PPARGC1A: variants seen among roughly 807,000 people sequenced by gnomAD.
The protein encoded by PPARGC1A is peroxisome proliferator-activated receptor gamma coactivator 1-alpha.
Under a neutral mutation model 88.7 loss-of-function variants are expected in PPARGC1A, and 25 were observed. The ratio of observed to expected loss-of-function variants is 0.28; its 90% CI spans 0.21 to 0.39. PPARGC1A has a LOEUF of 0.39. Among genes scored for constraint, PPARGC1A ranks in the 10% least tolerant of loss-of-function variants. The probability of loss-of-function intolerance (pLI) is 1.00; values close to 1 mark genes in which losing one functional copy is unlikely to be tolerated. For missense variants in PPARGC1A, 880 were observed against 968.7 expected (o/e 0.91, Z 1.22); for synonymous variants, 363 against 355.6 (o/e 1.02, Z -0.24).
chr4:23,995,006 TA>T, the PPARGC1A span, among the ~76,000 whole-genome samples: 4 of 152,282 alleles, frequency 2.6e-5, no homozygotes, highest in African/African-American at 9.6e-5. Flanking sequence ...GATGGTGTCC[TA>T]CCTAAGTTGG....
chr4:24,052,550 T>A, the PPARGC1A span, among the ~76,000 whole-genome samples: 1 of 150,478 alleles, frequency 6.6e-6, no homozygotes, highest in Non-Finnish European at 1.5e-5. Context: ...GACAGGAGAA[T>A]CACTTGAACC....
chr4:23,921,975 G>A, the PPARGC1A span, among the ~76,000 whole-genome samples: 60 of 152,174 alleles, frequency 3.9e-4, no homozygotes, highest in African/African-American at 1.2e-3. Context: ...TCATTCATTC[G>A]TTCATTCATT....
chr4:24,216,838 A>G, the PPARGC1A span, among the ~76,000 whole-genome samples: 1 of 152,210 alleles, frequency 6.6e-6, no homozygotes, highest in African/African-American at 2.4e-5. Flanking sequence ...AGAGTATTCA[A>G]CAAGCCTCAA....
chr4:24,258,084 T>A, the PPARGC1A span: 1 of 353,154 alleles, frequency 2.8e-6, no homozygotes, highest in African/African-American at 2.2e-5. Context: ...GAAGTCAGAT[T>A]ATCAATATCT....
chr4:24,409,332 G>A, the PPARGC1A span, among the ~76,000 whole-genome samples: 1 of 152,210 alleles, frequency 6.6e-6, no homozygotes, highest in Non-Finnish European at 1.5e-5. Flanking sequence ...AAAAGAACCT[G>A]CAGTCAAGAG....
chr4:24,138,375 T>A, the PPARGC1A span, among the ~76,000 whole-genome samples: 2 of 152,176 alleles, frequency 1.3e-5, no homozygotes, highest in South Asian at 4.1e-4. Context: ...AAAGGGACAA[T>A]TGGACACAGT....
the PPARGC1A span, among the ~76,000 whole-genome samples, chr4:24,073,320 A>C: frequency 1.3e-5 from 2 of 152,092 alleles, no homozygotes; most frequent in African/African-American, 4.8e-5. Context: ...GGGATCACAG[A>C]CATGAGCCAT....
At chr4:24,175,231 T>C in the PPARGC1A span, among the ~76,000 whole-genome samples, 5 of 152,266 alleles carry the variant, frequency 3.3e-5, no homozygotes, top group African/African-American at 4.8e-5. Flanking sequence ...TATTATTTAC[T>C]GGAGAAAATG....
chr4:23,835,197 G>A (rs892572653), intron 2 of PPARGC1A, among the ~76,000 whole-genome samples: 20 of 152,106 alleles, frequency 1.3e-4, no homozygotes, highest in Admixed American at 1.1e-3. Context: ...TAATACAATG[G>A]CGCCTTAGCT....
chr4:24,422,379 A>G, the PPARGC1A span, among the ~76,000 whole-genome samples: 1 of 152,242 alleles, frequency 6.6e-6, no homozygotes, highest in East Asian at 1.9e-4. Flanking sequence ...ATTTTTGGAC[A>G]GAGCAGATAT....
At chr4:24,063,627 T>C in the PPARGC1A span, among the ~76,000 whole-genome samples, 1 of 151,950 alleles carries the variant, frequency 6.6e-6, no homozygotes. Context: ...TGCAGCAGAG[T>C]GTTATTTTTA....
chr4:24,026,733 G>C, the PPARGC1A span, among the ~76,000 whole-genome samples: 20 of 152,220 alleles, frequency 1.3e-4, no homozygotes, highest in African/African-American at 4.8e-4. Flanking sequence ...TTGCACAACA[G>C]GCAATCATCT....
At chr4:23,913,473 T>C in the PPARGC1A span, among the ~76,000 whole-genome samples, 2 of 151,866 alleles carry the variant, frequency 1.3e-5, no homozygotes, top group African/African-American at 4.8e-5. Flanking sequence ...GCTTATGGAA[T>C]GGAGGCCCTT....
At chr4:24,430,993 G>A in the PPARGC1A span, among the ~76,000 whole-genome samples, 13 of 151,816 alleles carry the variant, frequency 8.6e-5, no homozygotes, top group East Asian at 1.9e-4. Flanking sequence ...GTGTGGTGGC[G>A]GGTGCCTGGT....
At chr4:23,828,670 T>C (rs1366453562) in intron 4 of PPARGC1A, 66 bp from the exon 5 acceptor site, 1 of 1,447,274 alleles carries the variant, frequency 6.9e-7, no homozygotes, top group East Asian at 2.3e-5. Flanking sequence ...GGATATAGGT[T>C]TTCTGGAGAG....
At position 23,792,251 on chromosome 4, in the gene PPARGC1A, C is replaced by T. The variant is rs995614012; in HGVS notation, c.*3571G>A. On this transcript the variant is annotated 3_prime_UTR_variant, in exon 13 of 13. Coordinates refer to ENST00000264867, the MANE Select transcript of PPARGC1A (RefSeq NM_013261.5). Reference sequence around the variant, plus strand: ...TCACCTACAAATCTTAAAGTAGCTCCATCAAATCAGCAGTTCACATTATTG... The same window carrying T: ...TCACCTACAAATCTTAAAGTAGCTCTATCAAATCAGCAGTTCACATTATTG... 3 of 152,596 alleles carry T rather than the reference C, an allele frequency of 2.0e-5. No homozygotes were observed. Among genetic ancestry groups the T allele is most frequent in the African/African-American group, 7.2e-5 (3 of 41,452 alleles). 9.5% of individuals were successfully genotyped at this position (152,596 alleles called of 1,614,324 possible).
the PPARGC1A span, among the ~76,000 whole-genome samples, chr4:24,075,261 T>C: frequency 2.1e-4 from 32 of 152,234 alleles, 1 homozygote; most frequent in Middle Eastern, 6.8e-3. Context: ...CAATCTGCCA[T>C]CCTTCCTCCC....
At chr4:24,147,941 C>T in the PPARGC1A span, among the ~76,000 whole-genome samples, 2 of 151,648 alleles carry the variant, frequency 1.3e-5, no homozygotes, top group African/African-American at 2.4e-5. Flanking sequence ...GAGACTCCAT[C>T]TAAAAACAAA....
At chr4:24,295,956 C>A in the PPARGC1A span, among the ~76,000 whole-genome samples, 1 of 150,416 alleles carries the variant, frequency 6.6e-6, no homozygotes, top group Non-Finnish European at 1.5e-5. Flanking sequence ...TATTATTTAT[C>A]ACTTGGTGAG....
Sources: gnomAD v4.1 joint callset for allele counts (sites outside exome capture counted in the v4.1 genomes callset) on GRCh38, gnomAD v4.1.1 for gene constraint, MANE v1.5 for transcripts, NCBI Gene and HGNC (gene_info 2026-07-23, HGNC 2026-07-21) for gene names.